EPB41L3: variants seen among roughly 807,000 people sequenced by gnomAD.
EPB41L3 encodes the protein erythrocyte membrane protein band 4.1 like 3.
A neutral mutation model predicts 127.1 loss-of-function variants in EPB41L3; 57 were observed. That is an observed-to-expected ratio of 0.45 (90% CI 0.36 to 0.56). The LOEUF is 0.56. Among genes scored for constraint, EPB41L3 ranks in the 20% least tolerant of loss-of-function variants. EPB41L3 has a pLI of 0.00. For missense variants in EPB41L3, 1,273 were observed against 1,372.2 expected (o/e 0.93, Z 1.14); for synonymous variants, 572 against 549.5 (o/e 1.04, Z -0.57).
At chr18:5,394,369 A>T (rs186412485) in intron 22 of EPB41L3, 68 of 212,916 alleles carry the variant, frequency 3.2e-4, no homozygotes, top group African/African-American at 1.5e-3. Context: ...TGCCATTACA[A>T]ATTTGGATAA....
chr18:5,482,974 T>C (rs1045338616), intron 2 of EPB41L3, among the ~76,000 whole-genome samples: 3 of 152,212 alleles, frequency 2.0e-5, no homozygotes, highest in African/African-American at 7.2e-5. Flanking sequence ...GAATACTCTA[T>C]TACTGTACTT....
chr18:5,441,250 T>A (rs1425899102), intron 5 of EPB41L3, among the ~76,000 whole-genome samples: 1 of 152,068 alleles, frequency 6.6e-6, no homozygotes, highest in Non-Finnish European at 1.5e-5. Context: ...TTCTTAGAGA[T>A]CTCATTCTAA....
chr18:5,611,421 T>C (rs540741703), intron 3 of EPB41L3, among the ~76,000 whole-genome samples: 42 of 152,182 alleles, frequency 2.8e-4, no homozygotes, highest in African/African-American at 9.6e-4. Flanking sequence ...AGTAGTAAAA[T>C]TCATACAGAC....
chr18:5,440,528 T>C (rs1437302366), intron 5 of EPB41L3, among the ~76,000 whole-genome samples: 2 of 151,972 alleles, frequency 1.3e-5, no homozygotes, highest in East Asian at 3.9e-4. Context: ...ATGAGGGCCC[T>C]AGTTAGAAAG....
At chr18:5,420,952 C>T (rs918095531) in intron 11 of EPB41L3, among the ~76,000 whole-genome samples, 6 of 151,786 alleles carry the variant, frequency 4.0e-5, no homozygotes, top group African/African-American at 9.7e-5. Flanking sequence ...CTCTTTACAC[C>T]GTTGAAAAAG....
rs1442150045 is a variant in EPB41L3, at chr18:5,543,826, C to T, written c.-12+87G>A. On this transcript the variant is annotated intron_variant, in intron 1 of 22. Coordinates refer to ENST00000341928, the MANE Select transcript of EPB41L3 (RefSeq NM_012307.5). This position sits in a 1 kb window ranked among gnomAD's most constrained non-coding sequence, Gnocchi z 5.2. ...GCGTCAGCCCCACTGTCCCGCGCGCCTCGCCCCAGGCCTCGGGCTCTTCCT... is the reference window on the plus strand; with the variant it reads ...GCGTCAGCCCCACTGTCCCGCGCGCTTCGCCCCAGGCCTCGGGCTCTTCCT... 5.2e-6 allele frequency: 5 copies of T among 963,788 alleles called. No individual in the cohort carries two copies. The highest frequency in any genetic ancestry group is 6.2e-5 in the Admixed American group (1 of 16,206). The allele number at this position is 963,788 out of a possible 1,614,324, so 59.7% of individuals were successfully genotyped here.
chr18:5,604,547 G>A (rs751422931), intron 3 of EPB41L3, among the ~76,000 whole-genome samples: 2 of 152,018 alleles, frequency 1.3e-5, no homozygotes, highest in African/African-American at 4.8e-5. Flanking sequence ...TCCGCCTTCC[G>A]AGTTCAAGTG....
chr18:5,402,822 A>G (rs759371480), intron 16 of EPB41L3, among the ~76,000 whole-genome samples: 52 of 152,208 alleles, frequency 3.4e-4, no homozygotes, highest in Non-Finnish European at 1.3e-4. Flanking sequence ...CACAAAATTC[A>G]TAACAGTGTC....
intron 3 of EPB41L3, among the ~76,000 whole-genome samples, chr18:5,590,336 A>G (rs1227989529): frequency 1.3e-5 from 2 of 152,144 alleles, no homozygotes; most frequent in Non-Finnish European, 2.9e-5. Context: ...TCCTCCTTTA[A>G]AATCCAATCC....
chr18:5,549,119 A>G (rs1288514594), upstream of EPB41L3, among the ~76,000 whole-genome samples: 1 of 152,252 alleles, frequency 6.6e-6, no homozygotes, highest in African/African-American at 2.4e-5. Flanking sequence ...CTCTTTAGGA[A>G]AATGTGTGAT....
chr18:5,526,183 A>G (rs191351265), intron 1 of EPB41L3, among the ~76,000 whole-genome samples: 4 of 152,322 alleles, frequency 2.6e-5, no homozygotes, highest in Admixed American at 6.5e-5. Flanking sequence ...ATAACATCCA[A>G]TTGAGAACAG....
chr18:5,413,921 A>G, intron 13 of EPB41L3, among the ~76,000 whole-genome samples: 1 of 152,242 alleles, frequency 6.6e-6, no homozygotes. Flanking sequence ...TTGCCAATGT[A>G]ATGCAGACAT....
chr18:5,488,209 T>A (rs1366716659), intron 2 of EPB41L3, among the ~76,000 whole-genome samples: 1 of 151,946 alleles, frequency 6.6e-6, no homozygotes, highest in East Asian at 1.9e-4. Flanking sequence ...TACCTGAAGA[T>A]CCACTAAGAA....
At chr18:5,594,504 T>C (rs958490247) in intron 3 of EPB41L3, among the ~76,000 whole-genome samples, 5 of 152,238 alleles carry the variant, frequency 3.3e-5, no homozygotes, top group African/African-American at 1.2e-4. Context: ...AAATAACATG[T>C]AGTTTTCATA....
chr18:5,498,758 CT>C (rs547630778), intron 1 of EPB41L3, among the ~76,000 whole-genome samples: 20 of 152,100 alleles, frequency 1.3e-4, no homozygotes, highest in African/African-American at 4.6e-4. Flanking sequence ...GTATTCAGCC[CT>C]TATGTTAAAC....
At chr18:5,506,068 T>C (rs1348509212) in intron 1 of EPB41L3, among the ~76,000 whole-genome samples, 4 of 150,846 alleles carry the variant, frequency 2.7e-5, no homozygotes, top group Admixed American at 1.3e-4. Context: ...CCCCGCCACA[T>C]TACTTCCACC....
intron 22 of EPB41L3, 23 bp from the exon 23 acceptor site, chr18:5,393,501 G>C (rs1162018645): frequency 5.7e-6 from 4 of 700,866 alleles, no homozygotes; most frequent in Non-Finnish European, 1.0e-5. Context: ...CATTTGATTA[G>C]TTACTCATTT....
At chr18:5,471,957 G>A (rs1331508721) in intron 3 of EPB41L3, among the ~76,000 whole-genome samples, 1 of 152,090 alleles carries the variant, frequency 6.6e-6, no homozygotes. Flanking sequence ...AACGCACGTA[G>A]GCACTCAAGT....
chr18:5,415,921 G>T lies in EPB41L3; in HGVS notation c.1964C>A (p.Thr655Asn), dbSNP rs150922981. The T allele has an allele frequency of 6.2e-7, 1 of 1,613,980 alleles. No individual in the cohort carries two copies. The highest frequency in any genetic ancestry group is 8.5e-7 in the Non-Finnish European group (1 of 1,180,044). ...SASFSVPYAL[T>N]LSFPLALCLC... ...GCACAGAGCCAGAGGGAAGGAGAGA[G>T]TGAGAGCGTATGGCACTGAGAAGGA... The change falls in exon 13 of 23, where the codon ACT (threonine) becomes AAT (asparagine). Residue 655 changes from threonine (T) to asparagine (N), a missense_variant. Physicochemically the swap from Thr to Asn is moderately conservative, Grantham distance 65. Coordinates refer to ENST00000341928, the MANE Select transcript of EPB41L3 (RefSeq NM_012307.5).
Sources: allele counts gnomAD v4.1 joint callset (sites outside exome capture counted in the v4.1 genomes callset), GRCh38; gene constraint gnomAD v4.1.1; non-coding constraint Gnocchi (gnomAD v3.1); transcripts MANE v1.5; gene names NCBI Gene and HGNC (gene_info 2026-07-23, HGNC 2026-07-21).